Variants in CLSTN2 observed in about 807,000 individuals in gnomAD.
The protein encoded by CLSTN2 is calsyntenin 2.
CLSTN2 carries 48 observed loss-of-function variants against 101.2 expected under a neutral mutation model. That is an observed-to-expected ratio of 0.47 (90% CI 0.38 to 0.60). The LOEUF (loss-of-function observed/expected upper bound fraction) is 0.60. Among genes scored for constraint, CLSTN2 ranks in the 20% least tolerant of loss-of-function variants. CLSTN2 has a pLI of 0.00. For synonymous variants in CLSTN2, 481 were observed against 463.6 expected (o/e 1.04, Z -0.48); for missense variants, 1,160 against 1,238.2 (o/e 0.94, Z 0.95).
At chr3:140,513,142 A>G (rs894180221) in intron 8 of CLSTN2, among the ~76,000 whole-genome samples, 2 of 152,128 alleles carry the variant, frequency 1.3e-5, no homozygotes, top group Admixed American at 6.6e-5. Context: ...TTCCAATACA[A>G]TGTTGAATAG....
chr3:140,532,289 C>A, intron 8 of CLSTN2, 35 bp from the exon 9 acceptor site: 1 of 1,545,782 alleles, frequency 6.5e-7, no homozygotes, highest in Non-Finnish European at 8.8e-7. Flanking sequence ...ATTACATATT[C>A]AATTTTAAAT....
intron 1 of CLSTN2, among the ~76,000 whole-genome samples, chr3:140,064,932 T>C (rs1186201565): frequency 6.6e-6 from 1 of 152,142 alleles, no homozygotes; most frequent in Non-Finnish European, 1.5e-5. Flanking sequence ...ATAGATTAAG[T>C]CAAATTACAA....
chr3:140,161,746 C>T (rs557219193), intron 1 of CLSTN2, among the ~76,000 whole-genome samples: 36 of 152,264 alleles, frequency 2.4e-4, no homozygotes, highest in African/African-American at 8.2e-4. Flanking sequence ...ACACTCTTTC[C>T]TACCTGAGCA....
intron 2 of CLSTN2, among the ~76,000 whole-genome samples, chr3:140,202,761 A>G (rs2010732936): frequency 6.6e-6 from 1 of 151,946 alleles, no homozygotes; most frequent in Non-Finnish European, 1.5e-5. Context: ...AAACCAAGAG[A>G]GTCAAGTGTC....
At chr3:140,114,763 G>A (rs2009212534) in intron 1 of CLSTN2, among the ~76,000 whole-genome samples, 2 of 151,864 alleles carry the variant, frequency 1.3e-5, no homozygotes, top group Non-Finnish European at 2.9e-5. Context: ...AATATTTGTT[G>A]GAAGAGCAAA....
chr3:140,394,514 G>T (rs1415000081), intron 2 of CLSTN2, among the ~76,000 whole-genome samples: 1 of 152,194 alleles, frequency 6.6e-6, no homozygotes, highest in Non-Finnish European at 1.5e-5. Context: ...TTACATGACA[G>T]CAAGCAATTG....
chr3:140,327,947 A>G (rs62268006), intron 2 of CLSTN2, among the ~76,000 whole-genome samples: 8,972 of 152,288 alleles, frequency 0.059, 344 homozygotes, highest in East Asian at 0.11. Flanking sequence ...GGGGTTGGGA[A>G]ACCTGGAGCC....
chr3:140,317,322 G>A (rs989504008), intron 2 of CLSTN2, among the ~76,000 whole-genome samples: 5 of 152,106 alleles, frequency 3.3e-5, no homozygotes, highest in Non-Finnish European at 7.4e-5. Context: ...TCCTCAAGTG[G>A]TTGGAAGCCA....
chr3:140,526,692 AAGGCAAC>A (rs1385524822), intron 8 of CLSTN2, among the ~76,000 whole-genome samples: 1 of 152,132 alleles, frequency 6.6e-6, no homozygotes, highest in East Asian at 1.9e-4. Flanking sequence ...ATTATACCAT[AAGGCAAC>A]AGTAACAAAA....
At chr3:140,379,818 G>A (rs1421178297) in intron 2 of CLSTN2, among the ~76,000 whole-genome samples, 3 of 152,000 alleles carry the variant, frequency 2.0e-5, no homozygotes, top group Non-Finnish European at 4.4e-5. Context: ...TGAAGATGCA[G>A]GGTACAGAAT....
chr3:140,387,101 G>A (rs546909793), intron 2 of CLSTN2, among the ~76,000 whole-genome samples: 91 of 152,294 alleles, frequency 6.0e-4, no homozygotes, highest in Admixed American at 4.8e-3. Context: ...AGATGAGGAA[G>A]TACAGATTCT....
At chr3:139,948,026 A>G (rs1935239734) in intron 1 of CLSTN2, among the ~76,000 whole-genome samples, 1 of 152,112 alleles carries the variant, frequency 6.6e-6, no homozygotes. Context: ...CTTTGTCCCA[A>G]TGGCCACAGC....
intron 1 of CLSTN2, among the ~76,000 whole-genome samples, chr3:140,010,151 G>A (rs1392996703): frequency 6.6e-6 from 1 of 152,290 alleles, no homozygotes; most frequent in Middle Eastern, 3.4e-3. Context: ...TATTTGGCCC[G>A]TAAATATTTG....
chr3:140,129,191 A>T (rs2009483720), intron 1 of CLSTN2, among the ~76,000 whole-genome samples: 1 of 152,080 alleles, frequency 6.6e-6, no homozygotes, highest in Non-Finnish European at 1.5e-5. Context: ...CTTTTATTTC[A>T]AACTAATTAT....
intron 6 of CLSTN2, among the ~76,000 whole-genome samples, chr3:140,450,308 ATCCATCCAGGCC>A (rs1175994968): frequency 1.3e-5 from 2 of 152,160 alleles, no homozygotes; most frequent in South Asian, 2.1e-4. Flanking sequence ...CACTAAGGCT[ATCCATCCAGGCC>A]TCCATCCAGG....
At chr3:140,000,128 T>C (rs2006796964) in intron 1 of CLSTN2, among the ~76,000 whole-genome samples, 1 of 151,336 alleles carries the variant, frequency 6.6e-6, no homozygotes, top group African/African-American at 2.4e-5. Flanking sequence ...CTAGCAATGG[T>C]TAACAACATA....
chr3:140,291,240 C>T (rs1207161373), intron 2 of CLSTN2, among the ~76,000 whole-genome samples: 3 of 152,132 alleles, frequency 2.0e-5, no homozygotes, highest in Non-Finnish European at 4.4e-5. Context: ...GTGCTTATTA[C>T]TCTCCAATGC....
At chr3:140,050,245 C>T (rs1203243994) in intron 1 of CLSTN2, among the ~76,000 whole-genome samples, 1 of 152,214 alleles carries the variant, frequency 6.6e-6, no homozygotes, top group East Asian at 1.9e-4. Context: ...TCAACGCCAT[C>T]TCTCCAAGCC....
intron 2 of CLSTN2, among the ~76,000 whole-genome samples, chr3:140,213,210 A>G (rs142183601): frequency 6.6e-6 from 1 of 151,946 alleles, no homozygotes; most frequent in Non-Finnish European, 1.5e-5. Context: ...CCTTCCCTAG[A>G]TTTAGTATTA....
Sources: allele counts gnomAD v4.1 joint callset (sites outside exome capture counted in the v4.1 genomes callset), GRCh38; gene constraint gnomAD v4.1.1; transcripts MANE v1.5; gene names NCBI Gene and HGNC (gene_info 2026-07-23, HGNC 2026-07-21).